CCNY: variants seen among roughly 807,000 people sequenced by gnomAD.
CCNY encodes cyclin Y, also known as cyclin-Y.
Under a neutral mutation model 42.8 loss-of-function variants are expected in CCNY, and 19 were observed. The observed-to-expected ratio is 0.44, with a 90% CI of 0.31 to 0.65. CCNY has a LOEUF of 0.65. Among genes scored for constraint, CCNY ranks in the 30% least tolerant of loss-of-function variants. The pLI is 0.07. For synonymous variants in CCNY, 165 were observed against 162.7 expected (o/e 1.01, Z -0.11); for missense variants, 370 against 437.3 (o/e 0.85, Z 1.37).
chr10:35,390,306 C>T (rs1211603121), intron 1 of CCNY, among the ~76,000 whole-genome samples: 2 of 152,156 alleles, frequency 1.3e-5, no homozygotes, highest in Non-Finnish European at 2.9e-5. Context: ...GCCTGGTGTG[C>T]CAGCAGACGG....
chr10:35,461,183 A>G (rs12774697), intron 1 of CCNY, among the ~76,000 whole-genome samples: 15 of 152,272 alleles, frequency 9.9e-5, no homozygotes, highest in Non-Finnish European at 2.2e-4. Context: ...GTTAAAGAGA[A>G]AATTATTCCA....
chr10:35,485,998 A>T (rs1839781180), intron 2 of CCNY, among the ~76,000 whole-genome samples: 1 of 152,072 alleles, frequency 6.6e-6, no homozygotes. Flanking sequence ...GTCGTGTCTA[A>T]CCATATTTTT....
At chr10:35,316,994 C>T (rs1005713504) in intron 3 of CCNY, among the ~76,000 whole-genome samples, 4 of 152,046 alleles carry the variant, frequency 2.6e-5, no homozygotes, top group Admixed American at 6.6e-5. Flanking sequence ...TACAGGTGCC[C>T]GCCACCACGC....
At chr10:35,475,943 G>T (rs941650081) in intron 1 of CCNY, among the ~76,000 whole-genome samples, 7 of 152,038 alleles carry the variant, frequency 4.6e-5, no homozygotes, top group African/African-American at 7.3e-5. Context: ...GATGGAGGAA[G>T]ATCTGCCAAG....
chr10:35,412,325 G>A (rs1173598628), intron 1 of CCNY, among the ~76,000 whole-genome samples: 1 of 152,190 alleles, frequency 6.6e-6, no homozygotes, highest in African/African-American at 2.4e-5. Context: ...TAGGCATTGT[G>A]CTAAGGCATG....
intron 1 of CCNY, among the ~76,000 whole-genome samples, chr10:35,430,137 A>T (rs1342329603): frequency 6.6e-6 from 1 of 151,692 alleles, no homozygotes; most frequent in African/African-American, 2.4e-5. Flanking sequence ...GGAGATCGAG[A>T]CCATCCCGGC....
Position 35,462,751 on chromosome 10 carries a change from G to A in CCNY, c.155-20653G>A, listed in dbSNP as rs115775139. On this transcript the variant is annotated intron_variant, in intron 1 of 9. Coordinates refer to ENST00000374704, the MANE Select transcript of CCNY (RefSeq NM_145012.6). ...CCACTCCAGGTCAGAAACACTAGCC[G>A]TCCCTCTACCCACAGCCTGCACAAG... Among the ~76,000 whole-genome samples the A allele has an allele frequency of 7.0e-3, 1,069 of 152,312 alleles. 11 individuals carry two copies. Among genetic ancestry groups the A allele is most frequent in the African/African-American group, 0.025 (1,019 of 41,564 alleles).
At chr10:35,307,760 ATGTG>A (rs60407989) in intron 3 of CCNY, among the ~76,000 whole-genome samples, 17,512 of 115,946 alleles carry the variant, frequency 0.15, 1,703 homozygotes, top group East Asian at 0.31. Flanking sequence ...ATGTGTATAT[ATGTG>A]TGTGTGTGTG....
intron 1 of CCNY, among the ~76,000 whole-genome samples, chr10:35,364,826 C>G (rs1836774453): frequency 6.6e-6 from 1 of 152,104 alleles, no homozygotes; most frequent in African/African-American, 2.4e-5. Flanking sequence ...AAGTCTTCAC[C>G]AAAGCAAAGC....
intron 1 of CCNY, among the ~76,000 whole-genome samples, chr10:35,349,860 T>A (rs1184753751): frequency 6.6e-6 from 1 of 152,244 alleles, no homozygotes; most frequent in Non-Finnish European, 1.5e-5. Context: ...CTACTCTGCC[T>A]GAAAATCAGT....
At chr10:35,435,212 G>T (rs1838502643) in intron 1 of CCNY, among the ~76,000 whole-genome samples, 1 of 152,212 alleles carries the variant, frequency 6.6e-6, no homozygotes, top group East Asian at 1.9e-4. Context: ...GAAGCTCCAG[G>T]TCCCTATCTC....
chr10:35,311,824 A>G (rs1477502498), intron 3 of CCNY, among the ~76,000 whole-genome samples: 8 of 152,088 alleles, frequency 5.3e-5, no homozygotes, highest in African/African-American at 1.9e-4. Flanking sequence ...CCTCTCTACA[A>G]AAAATTTAAA....
chr10:35,308,683 T>C (rs1835644209), intron 3 of CCNY, among the ~76,000 whole-genome samples: 1 of 152,020 alleles, frequency 6.6e-6, no homozygotes, highest in South Asian at 2.1e-4. Context: ...CTGAGTGACA[T>C]ATATAATGTG....
chr10:35,273,462 C>T lies in CCNY; in HGVS notation c.-9+22836C>T, dbSNP rs1002763144. On this transcript the variant is annotated intron_variant, in intron 3 of 11. Transcript: ENST00000374706. ...TCAAGTGATCTGCCTGTCTCAGCCT[C>T]CCAAAGTGCTGGGATTACAGGCATG... Among the ~76,000 whole-genome samples, 22 of 152,000 alleles carry T rather than the reference C, an allele frequency of 1.4e-4. 1 individual carries two copies. Among genetic ancestry groups the T allele is most frequent in the African/African-American group, 5.1e-4 (21 of 41,352 alleles).
intron 3 of CCNY, among the ~76,000 whole-genome samples, chr10:35,269,395 C>T (rs2095728844): frequency 6.6e-6 from 1 of 152,034 alleles, no homozygotes; most frequent in Non-Finnish European, 1.5e-5. Flanking sequence ...TGGCTCACTG[C>T]AACCTCCACC....
rs189161534 is a variant in CCNY, at chr10:35,522,521, G to T, written c.366-3443G>T. ...AAGGGCAATAAGAGCCACACTCCAG[G>T]GGGAGGCCAAATGAGAGTCAGTATG... On this transcript the variant is annotated intron_variant, in intron 4 of 9. Coordinates refer to ENST00000374704, the MANE Select transcript of CCNY (RefSeq NM_145012.6). Among the ~76,000 whole-genome samples, 1,069 of 152,242 alleles carry T rather than the reference G, an allele frequency of 7.0e-3. 11 individuals are homozygous for T. The highest frequency in any genetic ancestry group is 0.025 in the African/African-American group (1,020 of 41,528).
chr10:35,525,839 A>G (rs41276106), intron 4 of CCNY, 125 bp from the exon 5 acceptor site: 9,502 of 732,050 alleles, frequency 0.013, 90 homozygotes, highest in Non-Finnish European at 0.014. Flanking sequence ...ATGAGATGGG[A>G]CTGTTCAGAA....
chr10:35,516,868 A>G (rs1029080491), intron 4 of CCNY, among the ~76,000 whole-genome samples: 1 of 151,762 alleles, frequency 6.6e-6, no homozygotes, highest in Non-Finnish European at 1.5e-5. Flanking sequence ...ACATAGTACT[A>G]TTTACATTAA....
intron 1 of CCNY, among the ~76,000 whole-genome samples, chr10:35,437,229 C>T (rs559223716): frequency 3.3e-5 from 5 of 152,170 alleles, no homozygotes; most frequent in African/African-American, 1.2e-4. Context: ...TGTCACTTGA[C>T]GGAACTGGGT....
Sources: allele counts gnomAD v4.1 joint callset (sites outside exome capture counted in the v4.1 genomes callset), GRCh38; gene constraint gnomAD v4.1.1; transcripts MANE v1.5; gene names NCBI Gene and HGNC (gene_info 2026-07-23, HGNC 2026-07-21).